JAKMIP2: variants seen among roughly 807,000 people sequenced by gnomAD.
The protein encoded by JAKMIP2 is janus kinase and microtubule-interacting protein 2.
Under a neutral mutation model 115.0 loss-of-function variants are expected in JAKMIP2, and 25 were observed. The ratio of observed to expected loss-of-function variants is 0.22; its 90% CI spans 0.16 to 0.30. The LOEUF (loss-of-function observed/expected upper bound fraction) is 0.30. Among genes scored for constraint, JAKMIP2 ranks in the 10% least tolerant of loss-of-function variants. The pLI is 1.00. For missense variants in JAKMIP2, 642 were observed against 957.6 expected (o/e 0.67, Z 4.35); for synonymous variants, 334 against 343.6 (o/e 0.97, Z 0.31).
intron 1 of JAKMIP2, among the ~76,000 whole-genome samples, chr5:147,743,913 T>TC (rs1754241991): frequency 6.6e-6 from 1 of 151,832 alleles, no homozygotes; most frequent in Non-Finnish European, 1.5e-5. Flanking sequence ...CCAGTAACCC[T>TC]CCCCTGCAGC....
At chr5:147,756,875 AACAATT>A (rs1331192928) in intron 1 of JAKMIP2, among the ~76,000 whole-genome samples, 1 of 152,190 alleles carries the variant, frequency 6.6e-6, no homozygotes, top group Non-Finnish European at 1.5e-5. Context: ...ATGAAAAATC[AACAATT>A]ACAAAGTACT....
intron 1 of JAKMIP2, among the ~76,000 whole-genome samples, chr5:147,689,093 G>C (rs935135454): frequency 3.9e-5 from 6 of 152,192 alleles, no homozygotes; most frequent in Non-Finnish European, 8.8e-5. Flanking sequence ...TGATGCCTGG[G>C]GGGGAAAGCG....
At chr5:147,672,725 C>T (rs1004599273) in intron 1 of JAKMIP2, among the ~76,000 whole-genome samples, 5 of 152,046 alleles carry the variant, frequency 3.3e-5, no homozygotes, top group African/African-American at 9.7e-5. Context: ...AAGAAGACAC[C>T]GTTGGCTTGG....
Position 147,756,974 on chromosome 5 carries a change from C to T in JAKMIP2, c.-149+25482G>A, listed in dbSNP as rs961300622. ...AATGCTTATTTTCTTCCCCTTCACA[C>T]AATTTATGCTATCTGATTAAAAGAA... On this transcript the variant is annotated intron_variant, in intron 1 of 21. Transcript: ENST00000616793. Among the ~76,000 whole-genome samples the T allele has an allele frequency of 5.3e-5, 8 of 152,126 alleles. No homozygotes were observed. In the South Asian group the frequency reaches 6.2e-4, roughly 12 times the overall value.
chr5:147,616,309 A>G (rs73266302), intron 19 of JAKMIP2, among the ~76,000 whole-genome samples: 2,117 of 152,362 alleles, frequency 0.014, 57 homozygotes, highest in African/African-American at 0.049. Context: ...TAACTGGGAA[A>G]GGCATATTCT....
chr5:147,616,891 G>GT (rs780460886), intron 19 of JAKMIP2, among the ~76,000 whole-genome samples: 1 of 152,104 alleles, frequency 6.6e-6, no homozygotes, highest in Non-Finnish European at 1.5e-5. Flanking sequence ...CCCATGAATT[G>GT]TTTTTATTTG....
rs182439703 is a variant in JAKMIP2, at chr5:147,733,638, C to T, written c.-149+48818G>A. 1.2e-4 allele frequency among the ~76,000 whole-genome samples: 18 copies of T among 152,144 alleles called. No individual in the cohort carries two copies. In the East Asian group the frequency reaches 2.7e-3, roughly 23 times the overall value. On this transcript the variant is annotated intron_variant, in intron 1 of 21. Coordinates refer to ENST00000616793, the MANE Select transcript of JAKMIP2 (RefSeq NM_001270941.2). ...TACTCTCCCACCCGCTGACAGGCCC[C>T]GGTGCGTGATGTCCCCCTCCCTGTG...
chr5:147,765,634 G>A (rs927288896), intron 1 of JAKMIP2, among the ~76,000 whole-genome samples: 4 of 152,086 alleles, frequency 2.6e-5, no homozygotes, highest in African/African-American at 9.7e-5. Flanking sequence ...TTCAGGTAAA[G>A]ACAACTTCTT....
intron 1 of JAKMIP2, among the ~76,000 whole-genome samples, chr5:147,704,614 A>G (rs756446181): frequency 2.6e-4 from 40 of 152,184 alleles, no homozygotes; most frequent in Non-Finnish European, 4.9e-4. Context: ...TCACTCTCCC[A>G]GAAGATTAAA....
chr5:147,631,268 G>A, intron 14 of JAKMIP2, 145 bp downstream of exon 14: 1 of 532,196 alleles, frequency 1.9e-6, no homozygotes, highest in Admixed American at 3.7e-5. Context: ...TCTAGTAGAA[G>A]TGACTATTTT....
rs1362382787 is a variant in JAKMIP2 at position 147,661,268 on chromosome 5, T to A, written c.307A>T (p.Thr103Ser). ...IKQHEQEMSR[T>S]VKVRDGEIQR... Reference sequence around the variant, plus strand: ...ATCTCTCCATCACGTACCTTCACCGTCCTTGACATTTCCTGCTCGTGCTGC... The same window carrying A: ...ATCTCTCCATCACGTACCTTCACCGACCTTGACATTTCCTGCTCGTGCTGC... Residue 103 changes from threonine to serine, a missense_variant, in exon 3 of 22, where the codon ACG becomes TCG. Transcript: ENST00000616793. 16 of 1,613,770 alleles carry A rather than the reference T, an allele frequency of 9.9e-6. No individual in the cohort carries two copies. The highest frequency in any genetic ancestry group is 3.3e-4 in the Middle Eastern group (2 of 6,082).
At chr5:147,778,406 A>G (rs1424944996) in intron 1 of JAKMIP2, among the ~76,000 whole-genome samples, 2 of 152,090 alleles carry the variant, frequency 1.3e-5, no homozygotes, top group African/African-American at 4.8e-5. Flanking sequence ...GAAATATTCA[A>G]ATAAAATGAG....
At chr5:147,750,559 A>G (rs1232838958) in intron 1 of JAKMIP2, among the ~76,000 whole-genome samples, 1 of 99,020 alleles carries the variant, frequency 1.0e-5, no homozygotes, top group Non-Finnish European at 2.1e-5. Context: ...GGTGCCAGAA[A>G]ATACACACAC....
intron 1 of JAKMIP2, among the ~76,000 whole-genome samples, chr5:147,752,890 A>T (rs1754610230): frequency 6.6e-6 from 1 of 152,088 alleles, no homozygotes. Context: ...GTTCTGGGGG[A>T]GGGGCAGCTT....
At chr5:147,597,292 T>C (rs1755447010) in intron 21 of JAKMIP2, among the ~76,000 whole-genome samples, 1 of 152,228 alleles carries the variant, frequency 6.6e-6, no homozygotes, top group Admixed American at 6.5e-5. Context: ...AATAATACAG[T>C]ACTTAATTTT....
chr5:147,603,727 G>A (rs1358537920), intron 20 of JAKMIP2, among the ~76,000 whole-genome samples: 1 of 152,176 alleles, frequency 6.6e-6, no homozygotes, highest in African/African-American at 2.4e-5. Context: ...TTTGAAGTAA[G>A]ATTATTACCC....
chr5:147,639,915 G>A (rs1310407353), intron 9 of JAKMIP2, among the ~76,000 whole-genome samples, 155 bp from the exon 10 acceptor site: 3 of 152,028 alleles, frequency 2.0e-5, no homozygotes, highest in Non-Finnish European at 4.4e-5. Context: ...GTATATACGG[G>A]CACAAATACT....
intron 1 of JAKMIP2, among the ~76,000 whole-genome samples, chr5:147,753,984 T>G (rs72835169): frequency 0.1 from 15,163 of 152,178 alleles, 881 homozygotes; most frequent in South Asian, 0.18. Flanking sequence ...AACGCAATGA[T>G]GCAACTACAC....
chr5:147,711,698 G>A (rs183314385), intron 1 of JAKMIP2, among the ~76,000 whole-genome samples: 58 of 152,224 alleles, frequency 3.8e-4, no homozygotes, highest in African/African-American at 1.4e-3. Context: ...ACAGAATCTC[G>A]CTCTTGTTGC....
Sources: allele counts gnomAD v4.1 joint callset (sites outside exome capture counted in the v4.1 genomes callset), GRCh38; gene constraint gnomAD v4.1.1; transcripts MANE v1.5; gene names NCBI Gene and HGNC (gene_info 2026-07-23, HGNC 2026-07-21).